The following RPRD2 variants were observed in gnomAD, a reference collection of about 807,000 sequenced individuals.
RPRD2 encodes regulation of nuclear pre-mRNA domain-containing protein 2.
RPRD2 carries 12 observed loss-of-function variants against 104.4 expected under a neutral mutation model. The observed-to-expected ratio is 0.11, with a 90% CI of 0.07 to 0.19. RPRD2 has a LOEUF of 0.19. Among genes scored for constraint, RPRD2 ranks in the 10% least tolerant of loss-of-function variants. The probability of loss-of-function intolerance (pLI) is 1.00; values close to 1 mark genes in which losing one functional copy is unlikely to be tolerated. For synonymous variants in RPRD2, 714 were observed against 684.9 expected (o/e 1.04, Z -0.66); for missense variants, 1,543 against 1,790.1 (o/e 0.86, Z 2.49).
intron 1 of RPRD2, among the ~76,000 whole-genome samples, chr1:150,371,388 G>C (rs1553878299): frequency 6.6e-6 from 1 of 152,136 alleles, no homozygotes; most frequent in Non-Finnish European, 1.5e-5. Context: ...TTTTGAGACG[G>C]AGTCTCTCTC....
At chr1:150,391,403 T>C (rs181749259) in intron 1 of RPRD2, among the ~76,000 whole-genome samples, 1 of 152,226 alleles carries the variant, frequency 6.6e-6, no homozygotes, top group Admixed American at 6.5e-5. Flanking sequence ...ATCCTCCTGC[T>C]TTGGCCTCAC....
rs61486244 is a variant in RPRD2, at chr1:150,473,556, T to TA, written c.*245dup. On this transcript the variant is annotated 3_prime_UTR_variant, in exon 11 of 11. Transcript: ENST00000369068. ...TCTACCTTCCCCAAGTTGTTTGTAT[T>TA]AAAAAAAAAAAAAAAAAAAAAAAGT... 2,369 of 98,330 alleles carry TA rather than the reference T, an allele frequency of 0.024. 61 individuals are homozygous for TA. The highest frequency in any genetic ancestry group is 0.058 in the African/African-American group (1,265 of 21,750). 6.1% of individuals were successfully genotyped at this position (98,330 alleles called of 1,614,324 possible).
At chr1:150,426,872 T>C (rs1164206567) in intron 2 of RPRD2, among the ~76,000 whole-genome samples, 1 of 152,328 alleles carries the variant, frequency 6.6e-6, no homozygotes, top group Admixed American at 6.5e-5. Flanking sequence ...ATAGGCCGGG[T>C]GCTATGGCTC....
rs1167680502 is a variant in RPRD2, at chr1:150,472,664, A to G, written c.3716A>G (p.Asp1239Gly). ...GCACCCACTCATCTACCCTCTGTGG[A>G]TCTTTCGAACCCCTTCACAAAGGAG... ...RDAPTHLPSV[D>G]LSNPFTKEAA... is the part of the protein sequence containing the mutation. Residue 1239 changes from aspartate (D) to glycine (G), a missense_variant, in exon 11 of 11, where the codon GAT becomes GGT. Transcript: ENST00000369068. 1 of 1,613,712 alleles carries G rather than the reference A, an allele frequency of 6.2e-7. No individual in the cohort carries two copies. Among genetic ancestry groups the G allele is most frequent in the South Asian group, 1.1e-5 (1 of 91,066 alleles).
chr1:150,367,488 G>A (rs188397397), intron 1 of RPRD2, among the ~76,000 whole-genome samples: 168 of 152,042 alleles, frequency 1.1e-3, no homozygotes, highest in African/African-American at 3.7e-3. Flanking sequence ...CAGCCTTTCT[G>A]TCCATTTTCC....
At chr1:150,462,519 G>T (rs1382710155) in intron 9 of RPRD2, among the ~76,000 whole-genome samples, 13 of 151,470 alleles carry the variant, frequency 8.6e-5, no homozygotes, top group African/African-American at 3.1e-4. Context: ...CAAGGGTTAA[G>T]TATATAAAAC....
chr1:150,445,703 A>G (rs1666712766), intron 6 of RPRD2, among the ~76,000 whole-genome samples: 1 of 152,220 alleles, frequency 6.6e-6, no homozygotes, highest in African/African-American at 2.4e-5. Flanking sequence ...TGGCAGGTTC[A>G]CATGAGTCTG....
At position 150,460,061 on chromosome 1, in the gene RPRD2, C is replaced by A. The variant is rs782476197; in HGVS notation, c.1155C>A (p.Val385=). 1 of 1,613,532 alleles carries A rather than the reference C, an allele frequency of 6.2e-7. No individual in the cohort carries two copies. The highest frequency in any genetic ancestry group is 8.5e-7 in the Non-Finnish European group (1 of 1,179,640). The change falls in exon 9 of 11, where the codon GTC becomes GTA. Residue 385 remains valine, a splice_region_variant and synonymous_variant. Coordinates refer to ENST00000369068, the MANE Select transcript of RPRD2 (RefSeq NM_015203.5). ...DVEDDGSKII[V]EDRKEKPAEK... is the part of the protein sequence containing the mutation. ...TATCTCTTTTCTTTGTTGAAACAGTCGAGGACAGGAAGGAAAAACCTGCAG... is the reference window on the plus strand; with the variant it reads ...TATCTCTTTTCTTTGTTGAAACAGTAGAGGACAGGAAGGAAAAACCTGCAG...
chr1:150,373,157 GTGCA>G (rs1247995978), intron 1 of RPRD2, among the ~76,000 whole-genome samples: 3 of 152,036 alleles, frequency 2.0e-5, no homozygotes, highest in Non-Finnish European at 2.9e-5. Context: ...GGGATTACAG[GTGCA>G]TGCCACCATG....
At chr1:150,444,952 C>T (rs969996919) in intron 6 of RPRD2, among the ~76,000 whole-genome samples, 16 of 152,142 alleles carry the variant, frequency 1.1e-4, no homozygotes, top group Admixed American at 4.6e-4. Flanking sequence ...TTTGGGAAGC[C>T]AGGGCAGGAG....
At chr1:150,414,186 A>G (rs906413086) in intron 1 of RPRD2, among the ~76,000 whole-genome samples, 2 of 152,198 alleles carry the variant, frequency 1.3e-5, no homozygotes, top group Non-Finnish European at 2.9e-5. Context: ...TATGGGAGTC[A>G]TTGATACATA....
chr1:150,463,539 G>C (rs1242018350), intron 9 of RPRD2, among the ~76,000 whole-genome samples: 1 of 151,476 alleles, frequency 6.6e-6, no homozygotes, highest in Non-Finnish European at 1.5e-5. Flanking sequence ...TTTTTCCTTT[G>C]CTTCTCACTT....
At position 150,441,037 on chromosome 1, in the gene RPRD2, T is replaced by C; in HGVS notation, c.436+14T>C. ...GAGAAGCTTTGAGTAAGTGTCTTTT[T>C]CTCTCCTAAAAGAAAATTTTTGAGT... is the stretch of plus-strand genomic sequence containing the variant. On this transcript the variant is annotated intron_variant, in intron 3 of 10. Coordinates refer to ENST00000369068, the MANE Select transcript of RPRD2 (RefSeq NM_015203.5). The C allele has an allele frequency of 7.1e-7, 1 of 1,415,786 alleles. No individual in the cohort carries two copies. Among genetic ancestry groups the C allele is most frequent in the South Asian group, 1.3e-5 (1 of 77,180 alleles). 87.7% of individuals were successfully genotyped at this position (1,415,786 alleles called of 1,614,324 possible).
At chr1:150,428,504 G>C (rs1665323172) in intron 2 of RPRD2, among the ~76,000 whole-genome samples, 1 of 148,534 alleles carries the variant, frequency 6.7e-6, no homozygotes. Flanking sequence ...CTGTTTTTCA[G>C]CTTCAAGGGT....
intron 1 of RPRD2, among the ~76,000 whole-genome samples, chr1:150,412,476 A>C (rs1436730001): frequency 1.3e-5 from 2 of 152,144 alleles, no homozygotes; most frequent in Non-Finnish European, 2.9e-5. Flanking sequence ...ATGGATGAGT[A>C]GAAAACCACT....
At chr1:150,412,556 G>C (rs1553887873) in intron 1 of RPRD2, among the ~76,000 whole-genome samples, 1 of 152,152 alleles carries the variant, frequency 6.6e-6, no homozygotes, top group African/African-American at 2.4e-5. Flanking sequence ...CAAGGTAGCA[G>C]GGTTTTTGGC....
chr1:150,412,806 G>C (rs11808242), intron 1 of RPRD2, among the ~76,000 whole-genome samples: 33,720 of 151,986 alleles, frequency 0.22, 4,263 homozygotes, highest in African/African-American at 0.32. Context: ...AACGGGGATT[G>C]ATTTATGTCC....
At chr1:150,449,065 G>A (rs1423725064) in intron 7 of RPRD2, among the ~76,000 whole-genome samples, 1 of 152,176 alleles carries the variant, frequency 6.6e-6, no homozygotes, top group South Asian at 2.1e-4. Flanking sequence ...AGGAGTTCAA[G>A]ATTAGCCTGG....
At chr1:150,437,100 C>G (rs1666058909) in intron 2 of RPRD2, among the ~76,000 whole-genome samples, 1 of 152,066 alleles carries the variant, frequency 6.6e-6, no homozygotes. Flanking sequence ...AATAATGATT[C>G]CTTTTATGGA....
Sources: gnomAD v4.1 joint callset for allele counts (sites outside exome capture counted in the v4.1 genomes callset) on GRCh38, gnomAD v4.1.1 for gene constraint, MANE v1.5 for transcripts, NCBI Gene and HGNC (gene_info 2026-07-23, HGNC 2026-07-21) for gene names.